Variants in REST observed in about 807,000 individuals in gnomAD.
The protein encoded by REST is RE1-silencing transcription factor.
In REST, 1 loss-of-function variant was observed where a neutral mutation model predicts 30.4. The ratio of observed to expected loss-of-function variants is 0.03; its 90% CI spans 0.01 to 0.16. The LOEUF (loss-of-function observed/expected upper bound fraction) is 0.16. Among genes scored for constraint, REST ranks in the 10% least tolerant of loss-of-function variants. The pLI is 1.00. For missense variants in REST, 1,259 were observed against 1,329.5 expected (o/e 0.95, Z 0.82); for synonymous variants, 504 against 451.1 (o/e 1.12, Z -1.49).
intron 1 of REST, chr4:56,908,790 C>G (rs368111764): frequency 6.6e-6 from 1 of 151,892 alleles, no homozygotes; most frequent in Non-Finnish European, 1.5e-5. Context: ...CCCCCGCGTC[C>G]GGCCACCCGA....
In REST at chr4:56,933,348, A is replaced by G. The variant is rs1721041511; in HGVS notation, c.*1196A>G. 6.6e-6 allele frequency: 1 copy of G among 152,204 alleles called. No homozygotes were observed. The highest frequency in any genetic ancestry group is 2.4e-5 in the African/African-American group (1 of 41,458). 9.4% of individuals were successfully genotyped at this position (152,204 alleles called of 1,614,324 possible). ...TGTAAGTGATATTTGGAAACTACAA[A>G]CCTGGAATTAGGAGATATAATTATT... On this transcript the variant is annotated 3_prime_UTR_variant, in exon 4 of 4. Coordinates refer to ENST00000309042, the MANE Select transcript of REST (RefSeq NM_005612.5).
chr4:56,911,889 G>A (rs1719937446), intron 2 of REST, among the ~76,000 whole-genome samples: 1 of 152,194 alleles, frequency 6.6e-6, no homozygotes, highest in South Asian at 2.1e-4. Context: ...TCGGGAGGCC[G>A]AGGCGTAAGG....
At position 56,932,447 on chromosome 4, in the gene REST, T is replaced by G. The variant is rs150938778; in HGVS notation, c.*295T>G. 461 of 227,282 alleles carry G rather than the reference T, an allele frequency of 2.0e-3. 1 individual carries two copies. Among genetic ancestry groups the G allele is most frequent in the Non-Finnish European group, 2.8e-3 (325 of 118,018 alleles). 14.1% of individuals were successfully genotyped at this position (227,282 alleles called of 1,614,324 possible). A position where few individuals can be genotyped will look rare whatever the true frequency, so the allele number is the denominator to read the frequency against. ...TATTGCTTTGTCCAGCTACAACTTG[T>G]CATTTTTTTCTCCATGTCTTATCTT... On this transcript the variant is annotated 3_prime_UTR_variant, in exon 4 of 4. Coordinates refer to ENST00000309042, the MANE Select transcript of REST (RefSeq NM_005612.5).
Position 56,930,335 on chromosome 4 carries a change from C to A in REST, c.1477C>A (p.Arg493=), listed in dbSNP as rs749881609. ...VSVIQVTTRT[R]KSVTEVKEMD... is the part of the protein sequence containing the mutation. Reference sequence around the variant, plus strand: ...AGTGATCCAGGTGACTACCAGAACTCGAAAATCAGTAACAGAGGTGAAAGA... The same window carrying A: ...AGTGATCCAGGTGACTACCAGAACTAGAAAATCAGTAACAGAGGTGAAAGA... Residue 493 remains arginine, a synonymous_variant, in exon 4 of 4, where the codon CGA becomes AGA. Coordinates refer to ENST00000309042, the MANE Select transcript of REST (RefSeq NM_005612.5). The A allele has an allele frequency of 1.2e-6, 2 of 1,613,858 alleles. No homozygotes were observed. Among genetic ancestry groups the A allele is most frequent in the South Asian group, 1.1e-5 (1 of 91,056 alleles).
rs1206868170 is a variant in REST, at chr4:56,931,402, C to T, written c.2544C>T (p.Ser848=). The T allele has an allele frequency of 2.5e-6, 4 of 1,614,116 alleles. No homozygotes were observed. Among genetic ancestry groups the T allele is most frequent in the African/African-American group, 1.3e-5 (1 of 74,944 alleles). ...IEVGLVPVKD[S]WLLKESVSTE... ...TTGGCTTAGTGCCTGTTAAAGATAG[C>T]TGGCTTCTAAAGGAAAGTGTAAGCA... The change falls in exon 4 of 4, where the codon AGC becomes AGT. Residue 848 remains serine (S), a synonymous_variant. Transcript: ENST00000309042.
At chr4:56,918,966 C>A (rs1720324702) in intron 2 of REST, among the ~76,000 whole-genome samples, 1 of 151,046 alleles carries the variant, frequency 6.6e-6, no homozygotes, top group Admixed American at 6.6e-5. Context: ...CCACAATCCC[C>A]ATGCTCAGCC....
At chr4:56,919,891 TTTCTA>T (rs754267931) in intron 3 of REST, 21 bp downstream of exon 3, 1 of 1,314,164 alleles carries the variant, frequency 7.6e-7, no homozygotes, top group Admixed American at 1.9e-5. Flanking sequence ...AATTGGAACT[TTTCTA>T]TCATTTTCAG....
chr4:56,917,004 A>G (rs994607274), intron 2 of REST, among the ~76,000 whole-genome samples: 2 of 149,828 alleles, frequency 1.3e-5, no homozygotes, highest in Non-Finnish European at 3.0e-5. Flanking sequence ...ATTTCAGCAC[A>G]TCCTTAGCAA....
chr4:56,926,297 A>G (rs1474407544), intron 3 of REST, among the ~76,000 whole-genome samples: 9 of 151,542 alleles, frequency 5.9e-5, no homozygotes, highest in Non-Finnish European at 5.9e-5. Flanking sequence ...CTGGTCTCCA[A>G]CTCCTGACCT....
chr4:56,911,415 C>G lies in REST; in HGVS notation c.777C>G (p.Ser259Arg). The change falls in exon 2 of 4, where the codon AGC becomes AGG. Residue 259 changes from serine (S) to arginine (R), a missense_variant. Ser to Arg is a moderately radical substitution (Grantham distance 110). Coordinates refer to ENST00000309042, the MANE Select transcript of REST (RefSeq NM_005612.5). The part of the protein sequence containing the change: ...KCIICTYTTV[S>R]EYHWRKHLRN... ...TCATTTGCACATACACAACAGTGAG[C>G]GAGTATCACTGGAGGAAACATTTAA... The G allele has an allele frequency of 6.2e-7, 1 of 1,613,934 alleles. No individual in the cohort carries two copies. The highest frequency in any genetic ancestry group is 8.5e-7 in the Non-Finnish European group (1 of 1,179,912).
At chr4:56,909,863 C>T (rs141699124) in intron 1 of REST, among the ~76,000 whole-genome samples, 1 of 152,126 alleles carries the variant, frequency 6.6e-6, no homozygotes, top group Non-Finnish European at 1.5e-5. Context: ...AGTTGAGTTG[C>T]ACGATGATTT....
intron 3 of REST, among the ~76,000 whole-genome samples, chr4:56,922,881 C>T (rs1019019121): frequency 4.6e-5 from 7 of 152,172 alleles, no homozygotes; most frequent in African/African-American, 9.7e-5. Flanking sequence ...TTTAAAGTCA[C>T]GTGGTTGACC....
At chr4:56,908,819 C>T (rs1308945224) in intron 1 of REST, 1 of 151,844 alleles carries the variant, frequency 6.6e-6, no homozygotes, top group African/African-American at 2.4e-5. Flanking sequence ...GCTGGCGGGG[C>T]TGGGGCGCGC....
At chr4:56,915,220 T>TTG (rs775223358) in intron 2 of REST, among the ~76,000 whole-genome samples, 5,180 of 109,004 alleles carry the variant, frequency 0.048, 279 homozygotes, top group Middle Eastern at 0.083. Context: ...CTGGCCAATT[T>TTG]TGTGTGTGTG....
intron 2 of REST, among the ~76,000 whole-genome samples, chr4:56,918,025 A>G (rs1240793658): frequency 7.0e-6 from 1 of 142,704 alleles, no homozygotes; most frequent in Non-Finnish European, 1.5e-5. Context: ...GCACTCCAGC[A>G]TGGGCAACAG....
intron 1 of REST, among the ~76,000 whole-genome samples, chr4:56,908,585 C>T (rs1034131526): frequency 2.6e-5 from 4 of 152,172 alleles, no homozygotes; most frequent in African/African-American, 9.6e-5. Context: ...TCTGCTTCCT[C>T]CTCCTGCCCC....
In REST at chr4:56,931,291, C is replaced by CA; in HGVS notation, c.2438dup (p.Pro814AlafsTer7). The CA allele has an allele frequency of 6.2e-7, 1 of 1,614,214 alleles. No homozygotes were observed. The highest frequency in any genetic ancestry group is 8.5e-7 in the Non-Finnish European group (1 of 1,180,040). On this transcript the variant is annotated frameshift_variant, in exon 4 of 4. Transcript: ENST00000309042. LOFTEE classifies it low-confidence loss of function (END_TRUNC). ...CTCCCCTTCACATGGAGCCAATTTC[C>CA]AAAAAGCCTCCTCTCCGAAAAGATA...
chr4:56,932,190 G>A lies in REST; in HGVS notation c.*38G>A. The stretch of plus-strand genomic sequence containing the variant: ...CAAGGTTTCAGTTCTTAGTTTGTAA[G>A]GTATATTACATTTTATATTCATTTA... On this transcript the variant is annotated 3_prime_UTR_variant, in exon 4 of 4. Coordinates refer to ENST00000309042, the MANE Select transcript of REST (RefSeq NM_005612.5). The A allele has an allele frequency of 1.3e-6, 2 of 1,539,386 alleles. No homozygotes were observed.
chr4:56,916,246 A>G (rs1005228075), intron 2 of REST, among the ~76,000 whole-genome samples: 5 of 152,230 alleles, frequency 3.3e-5, no homozygotes, highest in South Asian at 2.1e-4. Flanking sequence ...CACAAAATCT[A>G]CTTTTAAAGA....
Sources: allele counts gnomAD v4.1 joint callset (sites outside exome capture counted in the v4.1 genomes callset), GRCh38; gene constraint gnomAD v4.1.1; transcripts MANE v1.5; gene names NCBI Gene and HGNC (gene_info 2026-07-23, HGNC 2026-07-21).